VPS53: variants seen among roughly 807,000 people sequenced by gnomAD.
VPS53 encodes vacuolar protein sorting-associated protein 53 homolog.
In VPS53, 70 loss-of-function variants were observed where a neutral mutation model predicts 107.0. The ratio of observed to expected loss-of-function variants is 0.65; its 90% CI spans 0.54 to 0.80. VPS53 has a LOEUF of 0.80. VPS53 is among the 30% of genes least tolerant of loss of function. The pLI is 0.00. For missense variants in VPS53, 917 were observed against 1,049.4 expected (o/e 0.87, Z 1.74); for synonymous variants, 409 against 393.3 (o/e 1.04, Z -0.47).
intron 13 of VPS53, among the ~76,000 whole-genome samples, chr17:571,057 G>A (rs1306111544): frequency 2.6e-5 from 4 of 152,216 alleles, no homozygotes; most frequent in Non-Finnish European, 4.4e-5. Flanking sequence ...AGTGGTTCAC[G>A]TCTGTAATCT....
At chr17:521,983 G>A (rs183191146) in intron 19 of VPS53, among the ~76,000 whole-genome samples, 197 of 152,302 alleles carry the variant, frequency 1.3e-3, no homozygotes, top group African/African-American at 4.3e-3. Flanking sequence ...GCCAGGAGCC[G>A]TGGCTCACAC....
At chr17:651,258 T>C (rs1970937014) in intron 7 of VPS53, among the ~76,000 whole-genome samples, 1 of 152,122 alleles carries the variant, frequency 6.6e-6, no homozygotes, top group Admixed American at 6.5e-5. Flanking sequence ...AGGACAACAA[T>C]GGGATTCTGA....
At chr17:681,894 C>T (rs1845390099) in intron 4 of VPS53, among the ~76,000 whole-genome samples, 1 of 152,100 alleles carries the variant, frequency 6.6e-6, no homozygotes, top group East Asian at 1.9e-4. Flanking sequence ...GAGGGCAGAC[C>T]CCTTGTGACT....
intron 17 of VPS53, among the ~76,000 whole-genome samples, chr17:550,478 T>C (rs937551878): frequency 1.3e-5 from 2 of 152,196 alleles, no homozygotes; most frequent in Admixed American, 6.5e-5. Flanking sequence ...AAGGCAGCCA[T>C]AGATAATACA....
At position 652,320 on chromosome 17, in the gene VPS53, C is replaced by T. The variant is rs563458001; in HGVS notation, c.608+971G>A. ...GTGGCTCACTGTATTTTCTAAAGAC[C>T]GCCACAGCAATCTATCCCATCCCAC... is the stretch of plus-strand genomic sequence containing the variant. On this transcript the variant is annotated intron_variant, in intron 7 of 21. Transcript: ENST00000437048. 1.0e-3 allele frequency among the ~76,000 whole-genome samples: 153 copies of T among 152,180 alleles called. 1 individual carries two copies. Among genetic ancestry groups the T allele is most frequent in the African/African-American group, 3.3e-3 (139 of 41,524 alleles).
intron 4 of VPS53, among the ~76,000 whole-genome samples, chr17:665,330 C>T (rs415822): frequency 0.19 from 29,179 of 152,220 alleles, 3,611 homozygotes; most frequent in Non-Finnish European, 0.27. Context: ...GCCCTCGCCG[C>T]GGGAAGATGC....
At chr17:627,110 G>A in intron 10 of VPS53, 64 bp downstream of exon 10, 1 of 1,565,028 alleles carries the variant, frequency 6.4e-7, no homozygotes, top group African/African-American at 1.4e-5. Flanking sequence ...GGAACCATTA[G>A]AGACTGGGGA....
chr17:634,746 T>C (rs984344478), intron 7 of VPS53, among the ~76,000 whole-genome samples: 22 of 152,050 alleles, frequency 1.4e-4, no homozygotes, highest in Non-Finnish European at 2.5e-4. Context: ...TATGGCTGCA[T>C]AGTATTCCAT....
chr17:676,015 T>C (rs1455084145), intron 4 of VPS53, among the ~76,000 whole-genome samples: 1 of 152,184 alleles, frequency 6.6e-6, no homozygotes, highest in Non-Finnish European at 1.5e-5. Flanking sequence ...GACAAGTTTC[T>C]GATGTATTTT....
chr17:524,299 T>G lies in VPS53; in HGVS notation c.2086-2561A>C, dbSNP rs527422398. ...AAATAAATACATAAAAAATAAAAAA[T>G]AAAAAAGAAGAAGAAGAAGAAAATA... On this transcript the variant is annotated intron_variant, in intron 19 of 21. Transcript: ENST00000437048. The surrounding 1 kb of genome is among the most constrained non-coding windows in gnomAD (Gnocchi z 4.5). Among the ~76,000 whole-genome samples, 27 of 149,942 alleles carry G rather than the reference T, an allele frequency of 1.8e-4. No homozygotes were observed. The highest frequency in any genetic ancestry group is 4.2e-4 in the South Asian group (2 of 4,756).
At chr17:542,028 C>T (rs546995607) in intron 17 of VPS53, among the ~76,000 whole-genome samples, 22 of 151,236 alleles carry the variant, frequency 1.5e-4, no homozygotes, top group East Asian at 5.9e-4. Flanking sequence ...GCACCTACCA[C>T]GCACCAGGGG....
chr17:573,620 G>A (rs1250233239), intron 13 of VPS53, among the ~76,000 whole-genome samples: 2 of 152,158 alleles, frequency 1.3e-5, no homozygotes, highest in African/African-American at 4.8e-5. Context: ...CATTTACTGT[G>A]TGCTGAAGGT....
At chr17:550,693 A>T (rs1222962847) in intron 17 of VPS53, among the ~76,000 whole-genome samples, 2 of 151,918 alleles carry the variant, frequency 1.3e-5, no homozygotes, top group Non-Finnish European at 2.9e-5. Context: ...CAAGACTACA[A>T]GAGAGATAAA....
At position 657,748 on chromosome 17, in the gene VPS53, G is replaced by A. The variant is rs572699841; in HGVS notation, c.373-1795C>T. On this transcript the variant is annotated intron_variant, in intron 5 of 21. Transcript: ENST00000437048. ...TGGCCATGAGTTCATGGATAGATAC[G>A]TCCTCATTAAAGTGAGAAACTTGGC... Among the ~76,000 whole-genome samples the A allele has an allele frequency of 4.6e-5, 7 of 151,944 alleles. No homozygotes were observed. The South Asian group carries it at 6.3e-4, about 14-fold the overall frequency.
chr17:691,218 G>C (rs765395665), intron 4 of VPS53, among the ~76,000 whole-genome samples: 2 of 152,200 alleles, frequency 1.3e-5, no homozygotes, highest in Non-Finnish European at 2.9e-5. Context: ...AAGGAAAAGG[G>C]ATTAGGCTTA....
chr17:519,877 T>G lies in VPS53; in HGVS notation c.2277A>C (p.Lys759Asn), dbSNP rs1297515712. 6.4e-7 allele frequency: 1 copy of G among 1,551,568 alleles called. No individual in the cohort carries two copies. The highest frequency in any genetic ancestry group is 8.7e-7 in the Non-Finnish European group (1 of 1,146,990). Reference sequence around the variant, plus strand: ...TTTCTGTGTTGCAGTCTGTGAGAAGTTTGATGTAGTTGTCAACAAACACCA... The same window carrying G: ...TTTCTGTGTTGCAGTCTGTGAGAAGGTTGATGTAGTTGTCAACAAACACCA... ...PLVVFVDNYI[K>N]LLTDCNTETF... The change falls in exon 21 of 22, where the codon AAA becomes AAC. Residue 759 changes from lysine to asparagine, a missense_variant. Coordinates refer to ENST00000437048, the MANE Select transcript of VPS53 (RefSeq NM_001128159.3). This position sits in a 1 kb window ranked among gnomAD's most constrained non-coding sequence, Gnocchi z 5.0.
chr17:548,759 G>A (rs565271824), intron 17 of VPS53, among the ~76,000 whole-genome samples: 6 of 152,350 alleles, frequency 3.9e-5, no homozygotes, highest in South Asian at 2.1e-4. Flanking sequence ...AGCCTGAGGA[G>A]CCCCTGGGAT....
chr17:565,018 G>C (rs1468547729), intron 13 of VPS53, among the ~76,000 whole-genome samples: 1 of 152,182 alleles, frequency 6.6e-6, no homozygotes, highest in East Asian at 1.9e-4. Flanking sequence ...TTATATAATG[G>C]TAAGGAAGAA....
intron 7 of VPS53, among the ~76,000 whole-genome samples, chr17:638,633 T>C (rs1057256605): frequency 3.5e-4 from 53 of 152,266 alleles, no homozygotes; most frequent in African/African-American, 1.3e-3. Flanking sequence ...TCTCTCAGCA[T>C]TTGCTTGTCT....
Sources: gnomAD v4.1 joint callset for allele counts (sites outside exome capture counted in the v4.1 genomes callset) on GRCh38, gnomAD v4.1.1 for gene constraint, Gnocchi (gnomAD v3.1) non-coding constraint, MANE v1.5 for transcripts, NCBI Gene and HGNC (gene_info 2026-07-23, HGNC 2026-07-21) for gene names.